Variants in NDST4 observed in about 807,000 individuals in gnomAD.
NDST4 encodes N-heparan sulfate sulfotransferase 4.
A neutral mutation model predicts 100.8 loss-of-function variants in NDST4; 63 were observed. That is an observed-to-expected ratio of 0.62 (90% confidence interval 0.51 to 0.77). The LOEUF is 0.77. Ranked by LOEUF, NDST4 falls within the 30% of genes least tolerant of loss-of-function variation. The probability of loss-of-function intolerance (pLI) is 0.00; values close to 1 mark genes in which losing one functional copy is unlikely to be tolerated. For synonymous variants in NDST4, 377 were observed against 361.8 expected (o/e 1.04, Z -0.48); for missense variants, 943 against 1,018.4 (o/e 0.93, Z 1.01).
At chr4:114,894,303 A>C (rs1033650193) in intron 6 of NDST4, among the ~76,000 whole-genome samples, 1 of 152,152 alleles carries the variant, frequency 6.6e-6, no homozygotes, top group Admixed American at 6.5e-5. Context: ...TGCTGAGAAT[A>C]GCATTGAATC....
intron 10 of NDST4, among the ~76,000 whole-genome samples, chr4:114,843,886 C>T (rs1243247984): frequency 6.6e-6 from 1 of 152,166 alleles, no homozygotes; most frequent in East Asian, 1.9e-4. Context: ...GCTCAGACTT[C>T]TCCCAGAGTG....
intron 7 of NDST4, among the ~76,000 whole-genome samples, chr4:114,857,862 C>T (rs896418733): frequency 6.6e-6 from 1 of 151,948 alleles, no homozygotes; most frequent in African/African-American, 2.4e-5. Context: ...AAGAAAGAGG[C>T]ATGTGGATGG....
intron 1 of NDST4, 95 bp from the exon 2 acceptor site, chr4:115,077,377 AATG>A (rs1729211641): frequency 6.2e-6 from 1 of 160,290 alleles, no homozygotes; most frequent in Non-Finnish European, 1.4e-5. Flanking sequence ...CATATATAGC[AATG>A]ATAATTTTAG....
chr4:114,883,692 C>T (rs1724420021), intron 6 of NDST4, among the ~76,000 whole-genome samples: 1 of 152,056 alleles, frequency 6.6e-6, no homozygotes, highest in Non-Finnish European at 1.5e-5. Flanking sequence ...TGGTCCCCAA[C>T]TTTTTTGACA....
At chr4:115,111,783 A>G (rs1345843791) in intron 1 of NDST4, among the ~76,000 whole-genome samples, 1 of 151,800 alleles carries the variant, frequency 6.6e-6, no homozygotes, top group African/African-American at 2.4e-5. Context: ...ATTCAGATAG[A>G]GTTAAAAGGC....
chr4:114,941,574 A>C (rs1458276355), intron 4 of NDST4, among the ~76,000 whole-genome samples: 1 of 152,146 alleles, frequency 6.6e-6, no homozygotes, highest in Non-Finnish European at 1.5e-5. Context: ...GCAAATCCTA[A>C]ATTTTGGCAG....
Position 114,893,623 on chromosome 4 carries a change from G to A in NDST4, c.1537-22673C>T, listed in dbSNP as rs558096426. On this transcript the variant is annotated intron_variant, in intron 6 of 13. Transcript: ENST00000264363. ...TCTTGTAAATGTGTTTAAGTTCCTT[G>A]TAAATTCTGGATATTAGACCTCTGT... 5.9e-5 allele frequency among the ~76,000 whole-genome samples: 9 copies of A among 151,482 alleles called. No individual in the cohort carries two copies. The East Asian group carries it at 1.8e-3, about 29-fold the overall frequency.
intron 1 of NDST4, 49 bp downstream of exon 1, chr4:115,113,395 T>A (rs2110349548): frequency 6.6e-6 from 1 of 152,122 alleles, no homozygotes; most frequent in South Asian, 2.1e-4. Flanking sequence ...GCAACGCATA[T>A]TCATTTATGA....
At chr4:114,969,516 T>C (rs1204027064) in intron 4 of NDST4, among the ~76,000 whole-genome samples, 1 of 152,066 alleles carries the variant, frequency 6.6e-6, no homozygotes, top group Non-Finnish European at 1.5e-5. Context: ...CTTCTTTGTG[T>C]CCATGTGTAC....
chr4:114,832,886 C>A (rs751480807), intron 12 of NDST4, among the ~76,000 whole-genome samples: 1 of 152,182 alleles, frequency 6.6e-6, no homozygotes, highest in Non-Finnish European at 1.5e-5. Context: ...CTGATCTCAG[C>A]CTTTGAGCCA....
chr4:114,899,344 A>AT (rs1021076913), intron 6 of NDST4, among the ~76,000 whole-genome samples: 59 of 151,820 alleles, frequency 3.9e-4, no homozygotes, highest in Non-Finnish European at 7.1e-4. Context: ...CGCCAGGCTA[A>AT]TTTTTTTTAT....
chr4:115,033,600 A>G (rs965377853), intron 2 of NDST4, among the ~76,000 whole-genome samples: 2 of 151,876 alleles, frequency 1.3e-5, no homozygotes, highest in Admixed American at 1.3e-4. Flanking sequence ...CCCAAAACCA[A>G]TTTTATTTAT....
chr4:115,029,461 A>C (rs1360945350), intron 2 of NDST4, among the ~76,000 whole-genome samples: 1 of 152,112 alleles, frequency 6.6e-6, no homozygotes, highest in East Asian at 1.9e-4. Flanking sequence ...TGGAACCAGA[A>C]AAAAGTTTCT....
intron 5 of NDST4, 67 bp downstream of exon 5, chr4:114,937,251 G>T: frequency 6.6e-7 from 1 of 1,511,028 alleles, no homozygotes; most frequent in South Asian, 1.1e-5. Context: ...TAGAGGAAAT[G>T]GCCCTCTGTC....
intron 2 of NDST4, among the ~76,000 whole-genome samples, chr4:115,042,469 G>C (rs1047985721): frequency 1.1e-4 from 16 of 152,052 alleles, no homozygotes; most frequent in African/African-American, 2.4e-5. Context: ...ATGAAGGGTA[G>C]GTACAGTACA....
At chr4:114,945,439 T>G (rs571353904) in intron 4 of NDST4, among the ~76,000 whole-genome samples, 1 of 152,120 alleles carries the variant, frequency 6.6e-6, no homozygotes, top group African/African-American at 2.4e-5. Flanking sequence ...GCCCACAATA[T>G]ATTTGAGATA....
intron 7 of NDST4, among the ~76,000 whole-genome samples, chr4:114,867,646 T>TAAAA (rs761173470): frequency 3.7e-5 from 1 of 26,762 alleles, no homozygotes; most frequent in Non-Finnish European, 1.0e-4. Context: ...ATGAGAATTA[T>TAAAA]AAAAAAAAAA....
At chr4:114,976,793 A>G (rs1488535158) in intron 3 of NDST4, among the ~76,000 whole-genome samples, 2 of 151,988 alleles carry the variant, frequency 1.3e-5, no homozygotes, top group Non-Finnish European at 2.9e-5. Context: ...AAAGGAAAAT[A>G]ATATGTACAA....
intron 2 of NDST4, among the ~76,000 whole-genome samples, chr4:115,057,655 TTTG>T (rs1223126967): frequency 3.9e-5 from 6 of 152,122 alleles, no homozygotes; most frequent in African/African-American, 7.2e-5. Flanking sequence ...CGTATCTGGC[TTTG>T]TTATTTGTAG....
Sources: allele counts gnomAD v4.1 joint callset (sites outside exome capture counted in the v4.1 genomes callset), GRCh38; gene constraint gnomAD v4.1.1; transcripts MANE v1.5; gene names NCBI Gene and HGNC (gene_info 2026-07-23, HGNC 2026-07-21).